ANKRD26: variants seen among roughly 807,000 people sequenced by gnomAD.
ANKRD26 encodes ankyrin repeat domain 26.
ANKRD26 carries 141 observed loss-of-function variants against 208.7 expected under a neutral mutation model. The ratio of observed to expected loss-of-function variants is 0.68; its 90% CI spans 0.59 to 0.78. The LOEUF (loss-of-function observed/expected upper bound fraction) is 0.78, where lower values mean the gene tolerates loss of function less well. Ranked by LOEUF, ANKRD26 falls within the 30% of genes least tolerant of loss-of-function variation. The pLI, the probability that ANKRD26 is intolerant of heterozygous loss-of-function variation, is 0.00. For synonymous variants in ANKRD26, 636 were observed against 660.4 expected (o/e 0.96, Z 0.57); for missense variants, 1,889 against 1,938.7 (o/e 0.97, Z 0.48).
At chr10:26,987,458 A>G (rs190735228), downstream of ANKRD26, among the ~76,000 whole-genome samples, 337 of 152,330 alleles carry the variant, frequency 2.2e-3, 1 homozygote, top group Non-Finnish European at 3.1e-3. Context: ...GGCTTGGGGA[A>G]GAGGACCAGC....
chr10:27,006,762 T>C (rs374875679), intron 33 of ANKRD26, among the ~76,000 whole-genome samples, 155 bp downstream of exon 33: 1 of 152,226 alleles, frequency 6.6e-6, no homozygotes, highest in East Asian at 1.9e-4. Context: ...TGAATATTCA[T>C]GTTTTCACAT....
Position 27,024,481 on chromosome 10 carries a change from T to C in ANKRD26, c.4051A>G (p.Lys1351Glu). Residue 1351 changes from lysine (K) to glutamate (E), a missense_variant, in exon 28 of 34, where the codon AAG becomes GAG. Physicochemically the swap from Lys to Glu is moderately conservative, Grantham distance 56 (BLOSUM62 1). Coordinates refer to ENST00000376087, the MANE Select transcript of ANKRD26 (RefSeq NM_014915.3). ...SLECNLDQEM[K>E]KNVELEREIT... Reference sequence around the variant, plus strand: ...TCTCTTTCTAATTCAACATTTTTCTTCATTTCTTGATCCAAATTACATTCC... The same window carrying C: ...TCTCTTTCTAATTCAACATTTTTCTCCATTTCTTGATCCAAATTACATTCC... 6.4e-7 allele frequency: 1 copy of C among 1,568,998 alleles called. No individual in the cohort carries two copies. The highest frequency in any genetic ancestry group is 1.1e-5 in the South Asian group (1 of 87,638).
chr10:27,024,670 G>A, intron 27 of ANKRD26, 111 bp from the exon 28 acceptor site: 1 of 612,148 alleles, frequency 1.6e-6, no homozygotes, highest in Non-Finnish European at 2.9e-6. Flanking sequence ...CATATAAAAT[G>A]CAGTTTATAA....
In ANKRD26 at chr10:27,093,509, T is replaced by A. The variant is rs200100926; in HGVS notation, c.371A>T (p.Gln124Leu). The stretch of plus-strand genomic sequence containing the variant: ...CAGAATAGTTGCACATTTCTCTTCC[T>A]GGCATTGTACAGCCTGGGAGTATTA... The part of the protein sequence containing the change: ...RTALMKAVQC[Q>L]EEKCATILLE... The change falls in exon 3 of 34, where the codon CAG becomes CTG. Residue 124 changes from glutamine (Q) to leucine (L), a missense_variant. Gln to Leu is a moderately radical substitution (Grantham distance 113). Transcript: ENST00000376087. The A allele has an allele frequency of 1.5e-4, 241 of 1,614,182 alleles. 3 individuals are homozygous for A. In the African/African-American group the frequency reaches 1.7e-3, roughly 11 times the overall value.
intron 15 of ANKRD26, among the ~76,000 whole-genome samples, chr10:27,056,424 C>G (rs1040923800): frequency 6.6e-6 from 1 of 151,992 alleles, no homozygotes; most frequent in Non-Finnish European, 1.5e-5. Context: ...ATGATCCACC[C>G]GCCTTGGCCT....
intron 5 of ANKRD26, among the ~76,000 whole-genome samples, chr10:27,086,068 T>A (rs1270703839): frequency 6.6e-6 from 1 of 152,194 alleles, no homozygotes; most frequent in Admixed American, 6.6e-5. Flanking sequence ...ACTTGAAAGT[T>A]AGTGCAGATT....
chr10:27,094,030 C>T (rs1400881584), intron 1 of ANKRD26, among the ~76,000 whole-genome samples: 6 of 152,080 alleles, frequency 3.9e-5, no homozygotes, highest in East Asian at 1.9e-4. Context: ...ATGGTTCCCC[C>T]GTGCTGCTGC....
intron 15 of ANKRD26, among the ~76,000 whole-genome samples, chr10:27,059,149 C>T (rs1275456324): frequency 3.9e-5 from 6 of 152,122 alleles, no homozygotes; most frequent in Non-Finnish European, 8.8e-5. Flanking sequence ...CTCCTGACCT[C>T]GTGATCCACC....
At chr10:27,075,223 A>G (rs1342645623) in intron 9 of ANKRD26, among the ~76,000 whole-genome samples, 1 of 152,208 alleles carries the variant, frequency 6.6e-6, no homozygotes, top group African/African-American at 2.4e-5. Flanking sequence ...CAATGACTGG[A>G]ACAGTACCTC....
chr10:27,093,887 T>C, intron 1 of ANKRD26, 88 bp from the exon 2 acceptor site: 3 of 1,095,888 alleles, frequency 2.7e-6, no homozygotes, highest in East Asian at 2.5e-5. Context: ...TTAAATAGCA[T>C]GTTGATATGG....
chr10:27,022,177 T>C (rs944633139), intron 29 of ANKRD26, among the ~76,000 whole-genome samples: 3 of 152,076 alleles, frequency 2.0e-5, no homozygotes, highest in Non-Finnish European at 4.4e-5. Flanking sequence ...GAAAACCAAA[T>C]ACTGCAAGTT....
chr10:27,081,450 G>A (rs1476860866), intron 6 of ANKRD26, among the ~76,000 whole-genome samples: 2 of 152,038 alleles, frequency 1.3e-5, no homozygotes, highest in Non-Finnish European at 2.9e-5. Context: ...GATAAAGAAG[G>A]AAGAGTACTG....
At chr10:26,973,373 C>T (rs1472342106), downstream of ANKRD26, among the ~76,000 whole-genome samples, 2 of 151,414 alleles carry the variant, frequency 1.3e-5, no homozygotes, top group African/African-American at 2.4e-5. Flanking sequence ...CCTAATGATG[C>T]TTTCTTTATT....
chr10:26,955,062 TG>T, the ANKRD26 span, among the ~76,000 whole-genome samples: 1 of 151,650 alleles, frequency 6.6e-6, no homozygotes, highest in Non-Finnish European at 1.5e-5. Flanking sequence ...GTGTGCCTGA[TG>T]GATTTTGGTT....
chr10:26,952,722 C>T, the ANKRD26 span, among the ~76,000 whole-genome samples: 2 of 152,194 alleles, frequency 1.3e-5, no homozygotes, highest in Admixed American at 1.3e-4. Flanking sequence ...TCCAACATTA[C>T]TGTATAGCTA....
At chr10:27,014,797 G>A in intron 30 of ANKRD26, 86 bp from the exon 31 acceptor site, 2 of 1,082,210 alleles carry the variant, frequency 1.8e-6, no homozygotes, top group East Asian at 2.6e-5. Flanking sequence ...GGGCTGTTTT[G>A]TTTTTAACCC....
rs755367933 is a variant in ANKRD26, at chr10:27,100,182, T to C, written c.145A>G (p.Lys49Glu). The C allele has an allele frequency of 1.2e-6, 2 of 1,614,066 alleles. No homozygotes were observed. The highest frequency in any genetic ancestry group is 1.7e-5 in the Admixed American group (1 of 60,034). ...GYHVRDRDLG[K>E]IHKAASAGNV... ...CCCGCGCTGGCAGCTTTGTGGATCTTGCCGAGATCTCGGTCTCGGACGTGG... is the reference window on the plus strand; with the variant it reads ...CCCGCGCTGGCAGCTTTGTGGATCTCGCCGAGATCTCGGTCTCGGACGTGG... Residue 49 changes from lysine to glutamate, a missense_variant, in exon 1 of 34, where the codon AAG becomes GAG. By Grantham distance (56) the Lys-to-Glu change is moderately conservative. Around this residue, in one of 3 missense-constraint regions of ANKRD26, gnomAD observed 1,272 missense variants for 1,273.8 expected, o/e 1.00. Coordinates refer to ENST00000376087, the MANE Select transcript of ANKRD26 (RefSeq NM_014915.3).
At chr10:26,968,085 G>A in the ANKRD26 span, among the ~76,000 whole-genome samples, 4 of 151,952 alleles carry the variant, frequency 2.6e-5, no homozygotes, top group African/African-American at 9.7e-5. Flanking sequence ...GTCTTCCCAC[G>A]GTCCTCAAGA....
chr10:27,031,276 A>G (rs924392840), intron 25 of ANKRD26, among the ~76,000 whole-genome samples: 1 of 152,244 alleles, frequency 6.6e-6, no homozygotes, highest in African/African-American at 2.4e-5. Context: ...CAGTAGCCAA[A>G]AAGTAGAAAC....
Sources: gnomAD v4.1 joint callset for allele counts (sites outside exome capture counted in the v4.1 genomes callset) on GRCh38, gnomAD v4.1.1 for gene constraint, gnomAD v4.1.1 regional missense constraint, MANE v1.5 for transcripts, NCBI Gene and HGNC (gene_info 2026-07-23, HGNC 2026-07-21) for gene names.